The following CNTNAP4 variants were observed in gnomAD, a reference collection of about 807,000 sequenced individuals.
The protein encoded by CNTNAP4 is contactin-associated protein-like 4.
CNTNAP4 carries 98 observed loss-of-function variants against 148.4 expected under a neutral mutation model. The ratio of observed to expected loss-of-function variants is 0.66; its 90% CI spans 0.56 to 0.78. CNTNAP4 has a LOEUF of 0.78. CNTNAP4 is among the 30% of genes least tolerant of loss of function. The probability of loss-of-function intolerance (pLI) is 0.00; values close to 1 mark genes in which losing one functional copy is unlikely to be tolerated. For missense variants in CNTNAP4, 1,935 were observed against 1,565.6 expected, an observed-to-expected ratio of 1.24 and a Z score of -3.98; for synonymous variants, 730 against 565.1, an observed-to-expected ratio of 1.29 and a Z score of -4.14.
chr16:76,494,252 G>T (rs895313858), intron 13 of CNTNAP4, among the ~76,000 whole-genome samples: 1 of 152,078 alleles, frequency 6.6e-6, no homozygotes, highest in East Asian at 1.9e-4. Flanking sequence ...GATGCATTTG[G>T]CTGAGGGAAA....
chr16:76,322,916 C>T (rs1962575668), intron 2 of CNTNAP4, among the ~76,000 whole-genome samples: 1 of 151,756 alleles, frequency 6.6e-6, no homozygotes, highest in South Asian at 2.1e-4. Context: ...CTCACTGCAA[C>T]CTCTGCCTTG....
At chr16:76,315,685 C>T (rs575636099) in intron 1 of CNTNAP4, among the ~76,000 whole-genome samples, 34 of 151,166 alleles carry the variant, frequency 2.2e-4, no homozygotes, top group African/African-American at 6.6e-4. Flanking sequence ...ACCTCTGCCT[C>T]TCAGGTTAAA....
At chr16:76,484,309 G>A (rs1280755901) in intron 12 of CNTNAP4, among the ~76,000 whole-genome samples, 5 of 137,128 alleles carry the variant, frequency 3.6e-5, no homozygotes, top group African/African-American at 1.3e-4. Flanking sequence ...TGGAGTCACT[G>A]GAAGTATGCA....
rs187775728 is a variant in CNTNAP4, at chr16:76,441,656, C to T, written c.539-6356C>T. Among the ~76,000 whole-genome samples, 58 of 152,258 alleles carry T rather than the reference C, an allele frequency of 3.8e-4. No individual in the cohort carries two copies. In the East Asian group the frequency reaches 9.5e-3, roughly 25 times the overall value. On this transcript the variant is annotated intron_variant, in intron 4 of 23. Transcript: ENST00000611870. ...AGATGGCTTGAAATCATCCTTGCTG[C>T]ATAACCTGGCAATGACATTGATAAT...
chr16:76,487,157 T>C (rs1342495113), intron 12 of CNTNAP4, among the ~76,000 whole-genome samples: 1 of 152,220 alleles, frequency 6.6e-6, no homozygotes, highest in Non-Finnish European at 1.5e-5. Flanking sequence ...TATAGAATTA[T>C]ATAACAGCTC....
rs768836844 is a variant in CNTNAP4 at position 76,427,614 on chromosome 16, A to G, written c.538+15A>G. The G allele has an allele frequency of 6.3e-7, 1 of 1,594,910 alleles. No homozygotes were observed. Among genetic ancestry groups the G allele is most frequent in the Admixed American group, 1.8e-5 (1 of 56,036 alleles). On this transcript the variant is annotated intron_variant, in intron 4 of 23. Coordinates refer to ENST00000611870, the MANE Select transcript of CNTNAP4 (RefSeq NM_033401.5). ...ATGTGCATACAGTAAGTGTTTGTTT[A>G]TCCAATACACTGACATAGATATCAA...
intron 15 of CNTNAP4, among the ~76,000 whole-genome samples, chr16:76,512,104 C>T (rs2083049531): frequency 6.6e-6 from 1 of 151,774 alleles, no homozygotes; most frequent in Non-Finnish European, 1.5e-5. Flanking sequence ...AGATGGTATA[C>T]TCATGGAACA....
At chr16:76,517,260 C>G (rs922847920) in intron 15 of CNTNAP4, among the ~76,000 whole-genome samples, 1 of 152,110 alleles carries the variant, frequency 6.6e-6, no homozygotes, top group Non-Finnish European at 1.5e-5. Context: ...ATGAAGAATA[C>G]TGTGGCAATA....
intron 15 of CNTNAP4, among the ~76,000 whole-genome samples, chr16:76,512,327 C>T (rs1218659699): frequency 6.6e-6 from 1 of 152,046 alleles, no homozygotes; most frequent in Non-Finnish European, 1.5e-5. Context: ...GCAAGGAAAC[C>T]ATTTAGGGGA....
At chr16:76,388,446 A>G (rs1184491095) in intron 3 of CNTNAP4, among the ~76,000 whole-genome samples, 2 of 152,238 alleles carry the variant, frequency 1.3e-5, no homozygotes, top group East Asian at 1.9e-4. Flanking sequence ...TGTGTAGAAT[A>G]TTGAGTAAAT....
intron 3 of CNTNAP4, among the ~76,000 whole-genome samples, chr16:76,418,471 G>C (rs1418964580): frequency 4.7e-5 from 7 of 150,422 alleles, no homozygotes. Flanking sequence ...TGGTTGTATT[G>C]AATCTGTTGT....
In CNTNAP4 at chr16:76,400,575, C is replaced by T. The variant is rs554386406; in HGVS notation, c.391-26877C>T. Reference sequence around the variant, plus strand: ...CCCATTTGTCAATATTTGATTTTGTCGTGATTGCTTTCAATGTCTTTGTCA... The same window carrying T: ...CCCATTTGTCAATATTTGATTTTGTTGTGATTGCTTTCAATGTCTTTGTCA... On this transcript the variant is annotated intron_variant, in intron 3 of 23. Transcript: ENST00000611870. 3.3e-5 allele frequency among the ~76,000 whole-genome samples: 5 copies of T among 152,078 alleles called. No individual in the cohort carries two copies. In the East Asian group the frequency reaches 7.7e-4, roughly 23 times the overall value.
intron 3 of CNTNAP4, among the ~76,000 whole-genome samples, chr16:76,404,509 A>G (rs1258489195): frequency 6.6e-6 from 1 of 152,068 alleles, no homozygotes; most frequent in Non-Finnish European, 1.5e-5. Flanking sequence ...TCTTAATACA[A>G]CATCATTCTA....
rs2083432166 is a variant in CNTNAP4 at position 76,521,059 on chromosome 16, A to C, written c.2366-81A>C. On this transcript the variant is annotated intron_variant, in intron 15 of 23. Coordinates refer to ENST00000611870, the MANE Select transcript of CNTNAP4 (RefSeq NM_033401.5). ...TAAATAGCAAAAGTGCTAAAAATAG[A>C]ACATGTAATTGTCATTCATTTTATT... 4 of 1,300,322 alleles carry C rather than the reference A, an allele frequency of 3.1e-6. No individual in the cohort carries two copies. The South Asian group carries it at 5.2e-5, about 17-fold the overall frequency. The allele number at this position is 1,300,322 out of a possible 1,614,324, so 80.5% of individuals were successfully genotyped here.
At chr16:76,527,822 C>G (rs2083805147) in intron 17 of CNTNAP4, among the ~76,000 whole-genome samples, 1 of 152,020 alleles carries the variant, frequency 6.6e-6, no homozygotes, top group South Asian at 2.1e-4. Flanking sequence ...TCTGTGTTTC[C>G]TGTAACATCA....
intron 15 of CNTNAP4, among the ~76,000 whole-genome samples, chr16:76,507,092 G>A (rs9937287): frequency 0.071 from 6,854 of 95,862 alleles, 1,427 homozygotes; most frequent in African/African-American, 0.16. Flanking sequence ...TAAAATTTTC[G>A]TGGGTACATA....
At chr16:76,292,630 C>G (rs1051589398) in intron 1 of CNTNAP4, among the ~76,000 whole-genome samples, 4 of 152,190 alleles carry the variant, frequency 2.6e-5, no homozygotes, top group Non-Finnish European at 4.4e-5. Context: ...CTCCTAACTG[C>G]TGTATCATTC....
At chr16:76,450,437 A>G (rs926843373) in intron 7 of CNTNAP4, among the ~76,000 whole-genome samples, 1 of 152,234 alleles carries the variant, frequency 6.6e-6, no homozygotes, top group Non-Finnish European at 1.5e-5. Context: ...GGCATGAGCC[A>G]CTATGCCCAG....
Position 76,498,607 on chromosome 16 carries a change from C to A in CNTNAP4, c.2278C>A (p.Pro760Thr), listed in dbSNP as rs939281803. ...ATTGCTTGCTTATAAAGAACATCTT[C>A]CAGTAACTAAGATCGTGATTACAGA... Reference protein sequence around the residue: ...TGLLAYKEHLPVTKIVITDTG... With the variant: ...TGLLAYKEHLTVTKIVITDTG... The change falls in exon 15 of 24, where the codon CCA becomes ACA. Residue 760 changes from proline to threonine, a missense_variant. Physicochemically the swap from Pro to Thr is conservative, Grantham distance 38. Coordinates refer to ENST00000611870, the MANE Select transcript of CNTNAP4 (RefSeq NM_033401.5). 1.9e-6 allele frequency: 3 copies of A among 1,612,300 alleles called. No homozygotes were observed. The highest frequency in any genetic ancestry group is 2.5e-6 in the Non-Finnish European group (3 of 1,179,106).
Sources: gnomAD v4.1 joint callset for allele counts (sites outside exome capture counted in the v4.1 genomes callset) on GRCh38, gnomAD v4.1.1 for gene constraint, MANE v1.5 for transcripts, NCBI Gene and HGNC (gene_info 2026-07-23, HGNC 2026-07-21) for gene names.